KIF5C: variants seen among roughly 807,000 people sequenced by gnomAD.
The protein encoded by KIF5C is kinesin heavy chain isoform 5C.
In KIF5C, 18 loss-of-function variants were observed where a neutral mutation model predicts 125.2. The ratio of observed to expected loss-of-function variants is 0.14; its 90% CI spans 0.10 to 0.21. KIF5C has a LOEUF of 0.21. Ranked by LOEUF, KIF5C falls within the 10% of genes least tolerant of loss-of-function variation. KIF5C has a pLI of 1.00. For missense variants in KIF5C, 780 were observed against 1,183.8 expected, an observed-to-expected ratio of 0.66 and a Z score of 5.01; for synonymous variants, 405 against 434.0, an observed-to-expected ratio of 0.93 and a Z score of 0.83.
At chr2:148,958,318 T>C (rs928062479) in intron 10 of KIF5C, among the ~76,000 whole-genome samples, 6 of 152,222 alleles carry the variant, frequency 3.9e-5, no homozygotes, top group African/African-American at 1.4e-4. Flanking sequence ...TTGACTGTTA[T>C]AGTCATTGCT....
intron 11 of KIF5C, among the ~76,000 whole-genome samples, chr2:148,967,079 C>T (rs1176962528): frequency 2.0e-5 from 3 of 152,290 alleles, no homozygotes; most frequent in East Asian, 1.9e-4. Flanking sequence ...TCTCAGAAGG[C>T]GGCTTGTGGC....
intron 1 of KIF5C, chr2:148,879,443 A>G (rs1213134420): frequency 6.6e-6 from 1 of 152,060 alleles, no homozygotes; most frequent in African/African-American, 2.4e-5. Context: ...CTGGTAAGAT[A>G]GCATATATAA....
intron 3 of KIF5C, 62 bp from the exon 4 acceptor site, chr2:148,937,222 C>A: frequency 1.3e-6 from 2 of 1,534,568 alleles, no homozygotes; most frequent in African/African-American, 2.8e-5. Context: ...GATGGTTCTC[C>A]CTCTCTCTCA....
At chr2:149,016,473 G>T (rs1460327555) in intron 25 of KIF5C, among the ~76,000 whole-genome samples, 1 of 152,186 alleles carries the variant, frequency 6.6e-6, no homozygotes, top group Non-Finnish European at 1.5e-5. Context: ...TGATTCAGCT[G>T]TCAGGCTTAC....
At chr2:148,913,732 A>G (rs1681435099) in intron 1 of KIF5C, among the ~76,000 whole-genome samples, 1 of 152,224 alleles carries the variant, frequency 6.6e-6, no homozygotes, top group Non-Finnish European at 1.5e-5. Context: ...GCACTGTGCC[A>G]GGAAGCCCCA....
chr2:148,939,197 C>T (rs997925830), intron 4 of KIF5C, among the ~76,000 whole-genome samples: 9 of 152,028 alleles, frequency 5.9e-5, no homozygotes, highest in African/African-American at 1.4e-4. Flanking sequence ...ACCGCACATG[C>T]GATACCTTTT....
At chr2:148,917,738 C>A (rs1303404679) in intron 1 of KIF5C, among the ~76,000 whole-genome samples, 2 of 152,184 alleles carry the variant, frequency 1.3e-5, no homozygotes, top group Non-Finnish European at 2.9e-5. Flanking sequence ...GAAGGTAATT[C>A]CACAGAGTGA....
chr2:148,950,334 G>A lies in KIF5C; in HGVS notation c.840G>A (p.Arg280=), dbSNP rs1292106011. 3.1e-6 allele frequency: 5 copies of A among 1,613,724 alleles called. No homozygotes were observed. Among genetic ancestry groups the A allele is most frequent in the Non-Finnish European group, 4.2e-6 (5 of 1,179,838 alleles). The part of the protein sequence containing the change: ...AEGTKTHVPY[R]DSKMTRILQD... The stretch of plus-strand genomic sequence containing the variant: ...AATAGAAAACACATGTGCCATACCG[G>A]GACAGCAAGATGACTCGGATTCTTC... The change falls in exon 10 of 26, where the codon CGG becomes CGA. Residue 280 remains arginine (R), a synonymous_variant. Coordinates refer to ENST00000435030, the MANE Select transcript of KIF5C (RefSeq NM_004522.3).
At chr2:148,906,022 G>A (rs1681092639) in intron 1 of KIF5C, among the ~76,000 whole-genome samples, 1 of 152,048 alleles carries the variant, frequency 6.6e-6, no homozygotes, top group Non-Finnish European at 1.5e-5. Flanking sequence ...CATGACATGT[G>A]GGAATTATCG....
At chr2:148,959,504 G>A (rs545172714) in intron 10 of KIF5C, among the ~76,000 whole-genome samples, 20 of 152,188 alleles carry the variant, frequency 1.3e-4, no homozygotes, top group African/African-American at 4.6e-4. Context: ...TTCTCTCTCA[G>A]TGTAAGCTGA....
At chr2:149,010,470 G>A in intron 24 of KIF5C, 119 bp downstream of exon 24, 1 of 1,440,260 alleles carries the variant, frequency 6.9e-7, no homozygotes. Context: ...GGCTGGGTTG[G>A]AGCCCGCAGG....
chr2:148,959,688 T>C (rs1269468261), intron 10 of KIF5C, among the ~76,000 whole-genome samples: 2 of 152,192 alleles, frequency 1.3e-5, no homozygotes, highest in Admixed American at 1.3e-4. Flanking sequence ...ACCATCTCTG[T>C]CCTGCTTTGT....
chr2:148,952,460 A>G (rs1682688027), intron 10 of KIF5C, among the ~76,000 whole-genome samples: 1 of 152,166 alleles, frequency 6.6e-6, no homozygotes, highest in Admixed American at 6.5e-5. Flanking sequence ...TGTCAAAATT[A>G]TAGCACTTCT....
chr2:148,937,031 G>T (rs1682306016), intron 3 of KIF5C, among the ~76,000 whole-genome samples: 1 of 152,154 alleles, frequency 6.6e-6, no homozygotes, highest in African/African-American at 2.4e-5. Context: ...GCAGCTGGAG[G>T]CAATAATGTG....
chr2:149,016,688 C>T (rs369273525), intron 25 of KIF5C, among the ~76,000 whole-genome samples: 39 of 152,246 alleles, frequency 2.6e-4, no homozygotes, highest in Non-Finnish European at 5.0e-4. Context: ...GAGCCCACCA[C>T]GCAAGTGGGT....
At chr2:148,969,422 AGTGTGTGTGTGTGTGTGTGT>A (rs151238332) in intron 11 of KIF5C, among the ~76,000 whole-genome samples, 1 of 141,288 alleles carries the variant, frequency 7.1e-6, no homozygotes, top group African/African-American at 2.7e-5. Context: ...GAAGGTTTCC[AGTGTGTGTGTGTGTGTGTGT>A]GTGTGTGTGT....
chr2:148,937,438 G>A (rs1302531523), intron 4 of KIF5C, 50 bp downstream of exon 4: 26 of 1,536,538 alleles, frequency 1.7e-5, no homozygotes, highest in Middle Eastern at 1.7e-4. Context: ...CCCAGATAAC[G>A]TTTCTTATAC....
intron 1 of KIF5C, 55 bp downstream of exon 1, chr2:148,875,798 C>T: frequency 6.4e-7 from 1 of 1,560,192 alleles, no homozygotes; most frequent in Non-Finnish European, 8.7e-7. Context: ...GCTGGGCGCC[C>T]CGACGCCCCA....
chr2:148,916,615 C>A (rs570595255), intron 1 of KIF5C, among the ~76,000 whole-genome samples: 1 of 152,000 alleles, frequency 6.6e-6, no homozygotes, highest in Non-Finnish European at 1.5e-5. Flanking sequence ...AATGCAAATG[C>A]CTGATGTAGG....
Sources: gnomAD v4.1 joint callset for allele counts (sites outside exome capture counted in the v4.1 genomes callset) on GRCh38, gnomAD v4.1.1 for gene constraint, MANE v1.5 for transcripts, NCBI Gene and HGNC (gene_info 2026-07-23, HGNC 2026-07-21) for gene names.